Variants in RAB31 observed in about 807,000 individuals in gnomAD.
The protein encoded by RAB31 is RAB31, member RAS oncogene family.
RAB31 carries 21 observed loss-of-function variants against 25.6 expected under a neutral mutation model. The observed-to-expected ratio is 0.82, with a 90% CI of 0.58 to 1.18. RAB31 has a LOEUF of 1.18. RAB31 is among the 50% of genes most tolerant of loss of function. The pLI, the probability that RAB31 is intolerant of heterozygous loss-of-function variation, is 0.00. For synonymous variants in RAB31, 87 were observed against 84.0 expected, an observed-to-expected ratio of 1.04 and a Z score of -0.20; for missense variants, 196 against 250.1, an observed-to-expected ratio of 0.78 and a Z score of 1.46.
chr18:9,787,109 G>T (rs928838337), intron 2 of RAB31: 2 of 217,514 alleles, frequency 9.2e-6, no homozygotes, highest in Non-Finnish European at 2.0e-5. Context: ...TATGAATGTC[G>T]TCAAGTTGAA....
At chr18:9,755,170 A>G (rs1023087909) in intron 1 of RAB31, among the ~76,000 whole-genome samples, 18 of 152,222 alleles carry the variant, frequency 1.2e-4, no homozygotes, top group African/African-American at 4.3e-4. Context: ...CAGAATGTTA[A>G]CTATCATCAC....
intron 1 of RAB31, among the ~76,000 whole-genome samples, chr18:9,765,046 G>C (rs1048720595): frequency 2.6e-5 from 4 of 151,762 alleles, no homozygotes; most frequent in African/African-American, 9.7e-5. Context: ...TACGCCTCCT[G>C]GGCTCAAGCA....
At chr18:9,709,075 AACT>A (rs1318535980) in intron 1 of RAB31, among the ~76,000 whole-genome samples, 2 of 152,152 alleles carry the variant, frequency 1.3e-5, no homozygotes, top group Non-Finnish European at 2.9e-5. Flanking sequence ...GCGCCCTGCA[AACT>A]TCCCTGCTGC....
intron 1 of RAB31, chr18:9,774,939 G>A: frequency 1.9e-6 from 1 of 525,814 alleles, no homozygotes; most frequent in African/African-American, 1.9e-5. Flanking sequence ...AATGTGGTAT[G>A]TTCACGTACT....
chr18:9,791,943 T>A (rs535452384), intron 2 of RAB31, among the ~76,000 whole-genome samples: 9 of 150,948 alleles, frequency 6.0e-5, no homozygotes, highest in African/African-American at 1.9e-4. Context: ...TTGTTTTGTT[T>A]TGTTTCAAAA....
intron 3 of RAB31, among the ~76,000 whole-genome samples, chr18:9,794,307 AT>A (rs751871020): frequency 2.8e-4 from 43 of 152,190 alleles, no homozygotes; most frequent in Non-Finnish European, 5.1e-4. Context: ...AATTTATATA[AT>A]TTTCATTTTA....
intron 6 of RAB31, among the ~76,000 whole-genome samples, chr18:9,852,384 G>T (rs2068793537): frequency 6.6e-6 from 1 of 152,110 alleles, no homozygotes; most frequent in African/African-American, 2.4e-5. Context: ...TGTCATAAAT[G>T]GTTTCTTTGT....
chr18:9,845,722 A>G (rs2068758619), intron 6 of RAB31, 31 bp downstream of exon 6: 1 of 1,520,308 alleles, frequency 6.6e-7, no homozygotes, highest in Non-Finnish European at 8.8e-7. Context: ...TTTCAGCCCA[A>G]CTTGCATTTT....
chr18:9,743,290 G>T (rs947623185), intron 1 of RAB31, among the ~76,000 whole-genome samples: 3 of 152,142 alleles, frequency 2.0e-5, no homozygotes, highest in Non-Finnish European at 4.4e-5. Context: ...AAATGTACTC[G>T]AAAGCTATAA....
chr18:9,857,653 ATAGATAG>A (rs1203409483), intron 6 of RAB31, among the ~76,000 whole-genome samples: 134 of 124,480 alleles, frequency 1.1e-3, no homozygotes, highest in African/African-American at 3.6e-3. Flanking sequence ...AGATAGATAG[ATAGATAG>A]ATAGATAGAT....
intron 1 of RAB31, among the ~76,000 whole-genome samples, chr18:9,774,198 C>G (rs945933172): frequency 6.6e-6 from 1 of 152,078 alleles, no homozygotes; most frequent in Non-Finnish European, 1.5e-5. Context: ...AACTCTAGAG[C>G]TTTTTTTCTC....
At chr18:9,817,413 AT>A (rs1315814252) in intron 5 of RAB31, among the ~76,000 whole-genome samples, 1 of 152,206 alleles carries the variant, frequency 6.6e-6, no homozygotes, top group Non-Finnish European at 1.5e-5. Flanking sequence ...GGTAATCCAC[AT>A]GGTAAAAACA....
chr18:9,837,591 G>A (rs978167770), intron 5 of RAB31, among the ~76,000 whole-genome samples: 1 of 152,128 alleles, frequency 6.6e-6, no homozygotes, highest in South Asian at 2.1e-4. Flanking sequence ...AATATGCAAA[G>A]AACAATTACA....
At chr18:9,829,273 A>G (rs1303733140) in intron 5 of RAB31, among the ~76,000 whole-genome samples, 4 of 152,042 alleles carry the variant, frequency 2.6e-5, no homozygotes, top group African/African-American at 7.2e-5. Flanking sequence ...TGCATTTTCC[A>G]AGCAGTAGAT....
Position 9,793,289 on chromosome 18 carries a change from G to A in RAB31, c.201+1054G>A, listed in dbSNP as rs545076833. Among the ~76,000 whole-genome samples, 11 of 151,972 alleles carry A rather than the reference G, an allele frequency of 7.2e-5. 1 individual carries two copies. Among genetic ancestry groups the A allele is most frequent in the Admixed American group, 6.6e-4 (10 of 15,254 alleles). ...CCTGGGGTCTCGCTATGTTGCCCAA[G>A]CTGGTCTTGAACTCCTGGCCTCAAG... is the stretch of plus-strand genomic sequence containing the variant. On this transcript the variant is annotated intron_variant, in intron 3 of 6. Transcript: ENST00000578921.
At chr18:9,834,001 G>A (rs948854023) in intron 5 of RAB31, among the ~76,000 whole-genome samples, 4 of 152,180 alleles carry the variant, frequency 2.6e-5, no homozygotes, top group Non-Finnish European at 5.9e-5. Flanking sequence ...AGATATGACC[G>A]TCTGGAATAG....
chr18:9,781,584 C>T (rs2155530), intron 2 of RAB31, among the ~76,000 whole-genome samples: 83,502 of 152,140 alleles, frequency 0.55, 23,945 homozygotes, highest in Admixed American at 0.68. Flanking sequence ...AAGGAGTTTA[C>T]AGGCGTGAGC....
At chr18:9,786,544 ACCTGT>A (rs1412711747) in intron 2 of RAB31, among the ~76,000 whole-genome samples, 1 of 152,214 alleles carries the variant, frequency 6.6e-6, no homozygotes, top group Admixed American at 6.5e-5. Flanking sequence ...TGAGCCCTCA[ACCTGT>A]GGGATCTGAC....
At chr18:9,831,521 AG>A (rs955693072) in intron 5 of RAB31, among the ~76,000 whole-genome samples, 2 of 152,214 alleles carry the variant, frequency 1.3e-5, no homozygotes, top group Non-Finnish European at 2.9e-5. Context: ...GCTTCTTTGT[AG>A]GCAGGACCAG....
Sources: gnomAD v4.1 joint callset for allele counts (sites outside exome capture counted in the v4.1 genomes callset) on GRCh38, gnomAD v4.1.1 for gene constraint, MANE v1.5 for transcripts, NCBI Gene and HGNC (gene_info 2026-07-23, HGNC 2026-07-21) for gene names.